Variants in IGF2R observed in about 807,000 individuals in gnomAD.
IGF2R encodes the protein cation-independent mannose-6-phosphate receptor.
IGF2R carries 91 observed loss-of-function variants against 270.6 expected under a neutral mutation model. The ratio of observed to expected loss-of-function variants is 0.34; its 90% confidence interval spans 0.28 to 0.40. IGF2R has a LOEUF of 0.40. IGF2R is among the 10% of genes least tolerant of loss of function. The pLI is 1.00. For missense variants in IGF2R, 2,805 were observed against 3,188.3 expected (o/e 0.88, Z 2.90); for synonymous variants, 1,316 against 1,258.9 (o/e 1.05, Z -0.96).
At chr6:160,055,102 C>G (rs981783374) in intron 19 of IGF2R, among the ~76,000 whole-genome samples, 1 of 152,122 alleles carries the variant, frequency 6.6e-6, no homozygotes, top group Non-Finnish European at 1.5e-5. Flanking sequence ...CCAGGTTGTA[C>G]ACACTCTCCT....
Position 160,050,225 on chromosome 6 carries a change from T to C in IGF2R, c.2515-248T>C, listed in dbSNP as rs530499163. On this transcript the variant is annotated intron_variant, in intron 18 of 47. Transcript: ENST00000356956. This position sits in a 1 kb window ranked among gnomAD's most constrained non-coding sequence, Gnocchi z 4.0. ...GACTAGTATCTAGTGCTATGTGACT[T>C]TCAGTTACAGGCCAGCATGCAGCCT... Among the ~76,000 whole-genome samples the C allele has an allele frequency of 8.5e-5, 13 of 152,336 alleles. No homozygotes were observed. The highest frequency in any genetic ancestry group is 2.9e-4 in the African/African-American group (12 of 41,572).
At chr6:160,015,608 G>T (rs1490226529) in intron 4 of IGF2R, among the ~76,000 whole-genome samples, 1 of 152,222 alleles carries the variant, frequency 6.6e-6, no homozygotes, top group Non-Finnish European at 1.5e-5. Context: ...GTACTGCAAA[G>T]ATGTGGCCTC....
rs192338494 is a variant in IGF2R at position 160,102,229 on chromosome 6, C to T, written c.6843-290C>T. On this transcript the variant is annotated intron_variant, in intron 45 of 47. Coordinates refer to ENST00000356956, the MANE Select transcript of IGF2R (RefSeq NM_000876.4). This position sits in a 1 kb window ranked among gnomAD's most constrained non-coding sequence, Gnocchi z 4.5. ...TGGGCCACCTAGAGGGGGCCGCGTC[C>T]CTCCTGCCTGTCTCCTCTGTGTTTG... Among the ~76,000 whole-genome samples the T allele has an allele frequency of 1.6e-3, 242 of 152,334 alleles. No individual in the cohort carries two copies. The highest frequency in any genetic ancestry group is 6.8e-3 in the Middle Eastern group (2 of 294).
At chr6:160,042,059 A>G (rs1371471633) in intron 11 of IGF2R, among the ~76,000 whole-genome samples, 1 of 151,394 alleles carries the variant, frequency 6.6e-6, no homozygotes, top group Non-Finnish European at 1.5e-5. Context: ...ATAAGGAGAG[A>G]TACATTTTTC....
chr6:160,016,263 G>A (rs1030607927), intron 4 of IGF2R, among the ~76,000 whole-genome samples: 4 of 152,194 alleles, frequency 2.6e-5, no homozygotes, highest in Non-Finnish European at 5.9e-5. Context: ...TGATGTGGTA[G>A]AGGCGCCTCT....
chr6:160,026,572 A>G (rs576325142), intron 5 of IGF2R, among the ~76,000 whole-genome samples: 2 of 152,216 alleles, frequency 1.3e-5, no homozygotes, highest in African/African-American at 2.4e-5. Flanking sequence ...TGTGTAAGGT[A>G]TTGAGTCATG....
In IGF2R at chr6:160,045,740, G is replaced by A. The variant is rs749969052; in HGVS notation, c.1766-5G>A. ...GTGATCCCCATCTCTTTTCCCCATT[G>A]ACAGGTGATCTGGAAAGTGCACCAG... On this transcript the variant is annotated splice_polypyrimidine_tract_variant and splice_region_variant and intron_variant, in intron 13 of 47. Transcript: ENST00000356956. 1.9e-6 allele frequency: 3 copies of A among 1,614,068 alleles called. No homozygotes were observed. In the Admixed American group the frequency reaches 5.0e-5, roughly 27 times the overall value.
At chr6:160,019,545 A>G (rs1157855923) in intron 4 of IGF2R, among the ~76,000 whole-genome samples, 1 of 152,236 alleles carries the variant, frequency 6.6e-6, no homozygotes, top group African/African-American at 2.4e-5. Context: ...AATATCTATG[A>G]TAAACAGATT....
In IGF2R at chr6:160,078,132, C is replaced by T. The variant is rs573128551; in HGVS notation, c.5317-69C>T. On this transcript the variant is annotated intron_variant, in intron 36 of 47. Transcript: ENST00000356956. ...GGGTTATGCACAGCCCCTGTAGGGA[C>T]GTGGTGTGTCACTGCTATCTATCCC... is the stretch of plus-strand genomic sequence containing the variant. The T allele has an allele frequency of 2.1e-5, 32 of 1,494,346 alleles. No homozygotes were observed. In the African/African-American group the frequency reaches 3.4e-4, roughly 16 times the overall value. The allele number at this position is 1,494,346 out of a possible 1,614,324, so 92.6% of individuals were successfully genotyped here. A position where few individuals can be genotyped will look rare whatever the true frequency, so the allele number is the denominator to read the frequency against.
At chr6:160,010,869 G>T in intron 4 of IGF2R, 84 bp downstream of exon 4, 1 of 764,168 alleles carries the variant, frequency 1.3e-6, no homozygotes, top group Non-Finnish European at 2.2e-6. Flanking sequence ...AACCTTTCCG[G>T]GTGAAAATCT....
At chr6:160,024,043 C>T (rs925539854) in intron 4 of IGF2R, among the ~76,000 whole-genome samples, 7 of 152,216 alleles carry the variant, frequency 4.6e-5, no homozygotes, top group South Asian at 2.1e-4. Flanking sequence ...GACCATGTAA[C>T]GGGAAGGCTA....
At chr6:160,087,015 T>C (rs1170123631) in intron 41 of IGF2R, among the ~76,000 whole-genome samples, 1 of 152,052 alleles carries the variant, frequency 6.6e-6, no homozygotes, top group East Asian at 1.9e-4. Context: ...ACAAGCAGCC[T>C]CTTGGTGGTG....
chr6:159,994,275 G>T (rs1223586039), intron 2 of IGF2R, among the ~76,000 whole-genome samples: 6 of 151,782 alleles, frequency 4.0e-5, no homozygotes, highest in African/African-American at 1.5e-4. Context: ...ATGATCTTTT[G>T]TCTTTCCATA....
rs547224911 is a variant in IGF2R at position 160,080,644 on chromosome 6, G to A, written c.5833+369G>A. Among the ~76,000 whole-genome samples, 301 of 152,192 alleles carry A rather than the reference G, an allele frequency of 2.0e-3. 1 individual carries two copies. Among genetic ancestry groups the A allele is most frequent in the African/African-American group, 6.8e-3 (281 of 41,526 alleles). ...GGATTCTGAAGCTAGTGAGGATTCCGGTAAACCAGGCGACTCATTTATTGA... is the reference window on the plus strand; with the variant it reads ...GGATTCTGAAGCTAGTGAGGATTCCAGTAAACCAGGCGACTCATTTATTGA... On this transcript the variant is annotated intron_variant, in intron 39 of 47. Coordinates refer to ENST00000356956, the MANE Select transcript of IGF2R (RefSeq NM_000876.4).
intron 2 of IGF2R, among the ~76,000 whole-genome samples, chr6:159,991,657 T>C (rs1391601585): frequency 6.6e-6 from 1 of 152,162 alleles, no homozygotes; most frequent in Non-Finnish European, 1.5e-5. Flanking sequence ...GTTTTTACAT[T>C]CTCCCCCAGC....
chr6:160,094,059 CT>C (rs1363529616), intron 44 of IGF2R: 3 of 546,156 alleles, frequency 5.5e-6, no homozygotes, highest in Non-Finnish European at 1.1e-5. Flanking sequence ...GACAGTCCTC[CT>C]GTCCACCAGC....
At chr6:160,064,980 G>A in intron 29 of IGF2R, 79 bp downstream of exon 29, 4 of 923,000 alleles carry the variant, frequency 4.3e-6, no homozygotes, top group Non-Finnish European at 7.2e-6. Flanking sequence ...GGTCTTGGGT[G>A]CAGGGGATTA....
intron 2 of IGF2R, chr6:160,003,588 C>G (rs1784164098): frequency 6.6e-6 from 1 of 152,088 alleles, no homozygotes; most frequent in African/African-American, 2.4e-5. Context: ...GTTAAATCAT[C>G]TAAAATTATA....
At chr6:160,101,592 A>C (rs1583308188) in intron 45 of IGF2R, among the ~76,000 whole-genome samples, 1 of 152,240 alleles carries the variant, frequency 6.6e-6, no homozygotes. Context: ...CGGCATCTTC[A>C]GCAGCACAAG....
Sources: allele counts gnomAD v4.1 joint callset (sites outside exome capture counted in the v4.1 genomes callset), GRCh38; gene constraint gnomAD v4.1.1; non-coding constraint Gnocchi (gnomAD v3.1); transcripts MANE v1.5; gene names NCBI Gene and HGNC (gene_info 2026-07-23, HGNC 2026-07-21).